Variants in PECR observed in about 807,000 individuals in gnomAD.
The protein encoded by PECR is 2,4-dienoyl-CoA reductase-related protein.
PECR carries 30 observed loss-of-function variants against 35.3 expected under a neutral mutation model. That is an observed-to-expected ratio of 0.85 (90% CI 0.64 to 1.15). The LOEUF is 1.15. Among genes scored for constraint, PECR ranks in the 50% most tolerant of loss-of-function variants. PECR has a pLI of 0.00. For synonymous variants in PECR, 148 were observed against 138.9 expected (o/e 1.07, Z -0.46); for missense variants, 392 against 370.8 (o/e 1.06, Z -0.47).
intron 1 of PECR, among the ~76,000 whole-genome samples, chr2:216,070,893 T>C (rs1177057456): frequency 2.6e-5 from 4 of 152,212 alleles, no homozygotes. Flanking sequence ...ACGCAGTTTG[T>C]CATTTGCCAA....
intron 3 of PECR, 124 bp from the exon 4 acceptor site, chr2:216,059,100 G>C: frequency 2.8e-6 from 2 of 705,602 alleles, no homozygotes; most frequent in Non-Finnish European, 5.2e-6. Flanking sequence ...CTTATAAAAA[G>C]CCTGACTGAG....
chr2:216,079,495 G>A (rs1190292448), intron 1 of PECR, among the ~76,000 whole-genome samples: 1 of 151,296 alleles, frequency 6.6e-6, no homozygotes, highest in Non-Finnish European at 1.5e-5. Flanking sequence ...AGCCTCCTGA[G>A]TAGCTGGGAT....
chr2:216,043,527 G>T (rs1458937711), intron 7 of PECR, among the ~76,000 whole-genome samples: 2 of 152,034 alleles, frequency 1.3e-5, no homozygotes, highest in Non-Finnish European at 2.9e-5. Flanking sequence ...CACCTAGCAG[G>T]CCTGATTCTT....
At chr2:216,030,724 T>TC (rs1369748364) in intron 7 of PECR, among the ~76,000 whole-genome samples, 3 of 110,072 alleles carry the variant, frequency 2.7e-5, no homozygotes, top group Admixed American at 2.0e-4. Context: ...TGTATTTCTT[T>TC]CTTTCTTTTT....
At chr2:216,030,256 C>G (rs1452048012) in intron 7 of PECR, among the ~76,000 whole-genome samples, 2 of 152,086 alleles carry the variant, frequency 1.3e-5, no homozygotes, top group African/African-American at 4.8e-5. Context: ...TCAAAATAAT[C>G]TCTTCATTGT....
In PECR at chr2:216,039,370, A is replaced by T; in HGVS notation, c.827-10T>A. The stretch of plus-strand genomic sequence containing the variant: ...GGCCAGTTGTCATGATCTGTTAAAG[A>T]AGTGGAAAGCCTCCTGTCACTTGCA... On this transcript the variant is annotated splice_polypyrimidine_tract_variant and intron_variant, in intron 7 of 7. Transcript: ENST00000265322. 1 of 1,531,828 alleles carries T rather than the reference A, an allele frequency of 6.5e-7. No homozygotes were observed. Among genetic ancestry groups the T allele is most frequent in the South Asian group, 1.1e-5 (1 of 89,516 alleles). 94.9% of individuals were successfully genotyped at this position (1,531,828 alleles called of 1,614,324 possible). A position where few individuals can be genotyped will look rare whatever the true frequency, so the allele number is the denominator to read the frequency against.
rs1049072954 is a variant in PECR at position 216,039,097 on chromosome 2, T to G, written c.*178A>C. 1.9e-6 allele frequency: 1 copy of G among 533,570 alleles called. No homozygotes were observed. The highest frequency in any genetic ancestry group is 1.9e-5 in the African/African-American group (1 of 52,364). 33.1% of individuals were successfully genotyped at this position (533,570 alleles called of 1,614,324 possible). A position where few individuals can be genotyped will look rare whatever the true frequency, so the allele number is the denominator to read the frequency against. On this transcript the variant is annotated 3_prime_UTR_variant, in exon 8 of 8. Coordinates refer to ENST00000265322, the MANE Select transcript of PECR (RefSeq NM_018441.6). ...ATTTTTAAATCATAGGTTAAAAGAC[T>G]CTGATTGGGACATAAGACTGTATAT...
chr2:216,062,104 G>A (rs902083146), intron 3 of PECR, among the ~76,000 whole-genome samples: 1 of 150,744 alleles, frequency 6.6e-6, no homozygotes, highest in Non-Finnish European at 1.5e-5. Flanking sequence ...CCAGCCTGGA[G>A]GCGCCATCCC....
At chr2:216,031,478 A>AAAGG (rs1694695576) in intron 7 of PECR, among the ~76,000 whole-genome samples, 1 of 133,130 alleles carries the variant, frequency 7.5e-6, no homozygotes, top group Admixed American at 8.3e-5. Context: ...AAAGAAAGAG[A>AAAGG]AAGAAAGAAA....
At chr2:216,046,508 C>T (rs554657210) in intron 6 of PECR, among the ~76,000 whole-genome samples, 17 of 151,736 alleles carry the variant, frequency 1.1e-4, no homozygotes, top group South Asian at 4.2e-4. Flanking sequence ...GACGGGGTTT[C>T]GCCATGTTGG....
chr2:216,058,987 G>C lies in PECR; in HGVS notation c.425-11C>G, dbSNP rs1286413535. 6.4e-6 allele frequency: 10 copies of C among 1,550,800 alleles called. No homozygotes were observed. Among genetic ancestry groups the C allele is most frequent in the Non-Finnish European group, 8.9e-6 (10 of 1,123,348 alleles). On this transcript the variant is annotated splice_polypyrimidine_tract_variant and intron_variant, in intron 3 of 7. Transcript: ENST00000265322. ...TCCAGGAGCTGTAAACTGCAGGATA[G>C]AGGCAAACTCAATCATTAAATTTTT...
intron 7 of PECR, among the ~76,000 whole-genome samples, chr2:216,043,001 ATG>A (rs1223886685): frequency 0.016 from 1,898 of 118,988 alleles, 60 homozygotes; most frequent in Non-Finnish European, 0.026. Context: ...ACATACGTAT[ATG>A]TGTATATATA....
At position 216,042,053 on chromosome 2, in the gene PECR, G is replaced by A. The variant is rs144454115; in HGVS notation, c.826+1851C>T. On this transcript the variant is annotated intron_variant, in intron 7 of 7. Coordinates refer to ENST00000265322, the MANE Select transcript of PECR (RefSeq NM_018441.6). ...TACTCCAACCCAAAGAGGGGGTCGT[G>A]GGAACCCCAACTTGAAGCTAGTCAG... 2.0e-5 allele frequency among the ~76,000 whole-genome samples: 3 copies of A among 152,320 alleles called. 1 individual carries two copies. Among genetic ancestry groups the A allele is most frequent in the African/African-American group, 7.2e-5 (3 of 41,570 alleles).
chr2:216,044,190 C>T (rs1206569251), intron 6 of PECR, among the ~76,000 whole-genome samples, 175 bp from the exon 7 acceptor site: 1 of 152,186 alleles, frequency 6.6e-6, no homozygotes, highest in Non-Finnish European at 1.5e-5. Flanking sequence ...CCTACAATTT[C>T]CCTTTCTACC....
At chr2:216,049,472 T>C in intron 5 of PECR, 99 bp from the exon 6 acceptor site, 1 of 635,224 alleles carries the variant, frequency 1.6e-6, no homozygotes, top group African/African-American at 1.8e-5. Context: ...AAACATTAAG[T>C]AGCTTAAGTC....
At position 216,048,843 on chromosome 2, in the gene PECR, C is replaced by CAA. The variant is rs59623283; in HGVS notation, c.714+418_714+419dup. Among the ~76,000 whole-genome samples, 291 of 73,924 alleles carry CAA rather than the reference C, an allele frequency of 3.9e-3. 3 individuals carry two copies. Among genetic ancestry groups the CAA allele is most frequent in the African/African-American group, 0.01 (205 of 19,870 alleles). 48.5% of individuals were successfully genotyped at this position (73,924 alleles called of 152,430 possible). A position where few individuals can be genotyped will look rare whatever the true frequency, so the allele number is the denominator to read the frequency against. On this transcript the variant is annotated intron_variant, in intron 6 of 7. Coordinates refer to ENST00000265322, the MANE Select transcript of PECR (RefSeq NM_018441.6). Reference sequence around the variant, plus strand: ...TAACAGAGTGAAACACTGTCTCAAGCAAAAAAAAAAAAAAAAAAAAAAACC... The same window carrying CAA: ...TAACAGAGTGAAACACTGTCTCAAGCAAAAAAAAAAAAAAAAAAAAAAAAACC...
At chr2:216,046,526 G>A (rs1695001329) in intron 6 of PECR, among the ~76,000 whole-genome samples, 1 of 151,892 alleles carries the variant, frequency 6.6e-6, no homozygotes, top group South Asian at 2.1e-4. Context: ...TGGCCAGGCT[G>A]ATCTTGAACT....
intron 7 of PECR, among the ~76,000 whole-genome samples, chr2:216,042,076 C>T (rs182276104): frequency 2.0e-5 from 3 of 152,320 alleles, no homozygotes; most frequent in Admixed American, 2.0e-4. Context: ...TGAAGCTAGT[C>T]AGTCAGAAGT....
Position 216,081,602 on chromosome 2 carries a change from C to G in PECR, c.124+16G>C, listed in dbSNP as rs747242071. ...CACCACAGCCACCTCTCTGCACCAGCGGCCCGCTCACGTACCCAGCTCCAG... is the reference window on the plus strand; with the variant it reads ...CACCACAGCCACCTCTCTGCACCAGGGGCCCGCTCACGTACCCAGCTCCAG... On this transcript the variant is annotated intron_variant, in intron 1 of 7. Transcript: ENST00000265322. 1.2e-5 allele frequency: 20 copies of G among 1,613,740 alleles called. No homozygotes were observed. The Admixed American group carries it at 3.3e-4, about 27-fold the overall frequency.
Sources: allele counts gnomAD v4.1 joint callset (sites outside exome capture counted in the v4.1 genomes callset), GRCh38; gene constraint gnomAD v4.1.1; transcripts MANE v1.5; gene names NCBI Gene and HGNC (gene_info 2026-07-23, HGNC 2026-07-21).